The following RPAP3 variants were observed in gnomAD, a reference collection of about 807,000 sequenced individuals.
RPAP3 encodes the protein RNA polymerase II associated protein 3, also known as RNA polymerase II-associated protein 3.
A neutral mutation model predicts 88.8 loss-of-function variants in RPAP3; 58 were observed. That is an observed-to-expected ratio of 0.65 (90% confidence interval 0.53 to 0.81). The LOEUF (loss-of-function observed/expected upper bound fraction) is 0.81, where lower values mean the gene tolerates loss of function less well. RPAP3 is among the 40% of genes least tolerant of loss of function. The probability of loss-of-function intolerance (pLI) is 0.00; values close to 1 mark genes in which losing one functional copy is unlikely to be tolerated. For missense variants in RPAP3, 751 were observed against 764.3 expected, an observed-to-expected ratio of 0.98 and a Z score of 0.20; for synonymous variants, 255 against 259.9, an observed-to-expected ratio of 0.98 and a Z score of 0.18.
chr12:47,669,014 T>A lies in RPAP3; in HGVS notation c.1615A>T (p.Thr539Ser). The A allele has an allele frequency of 6.2e-7, 1 of 1,613,858 alleles. No homozygotes were observed. The highest frequency in any genetic ancestry group is 1.3e-5 in the African/African-American group (1 of 75,036). The change falls in exon 14 of 17, where the codon ACA becomes TCA. Residue 539 changes from threonine (T) to serine (S), a missense_variant. Physicochemically the swap from Thr to Ser is moderately conservative, Grantham distance 58. Coordinates refer to ENST00000005386, the MANE Select transcript of RPAP3 (RefSeq NM_024604.3). Reference protein sequence around the residue: ...EIEQKPAQFATTVLPPIPANS... With the variant: ...EIEQKPAQFASTVLPPIPANS... ...GCAGGAATTGGAGGAAGAACAGTTG[T>A]GGCAAACTGAGCAGGTTTTTGTTCT... is the stretch of plus-strand genomic sequence containing the variant.
intron 5 of RPAP3, among the ~76,000 whole-genome samples, chr12:47,694,451 T>C (rs1467051084): frequency 6.6e-6 from 1 of 152,206 alleles, no homozygotes; most frequent in Non-Finnish European, 1.5e-5. Flanking sequence ...AGCAGCAAAC[T>C]ATTTTTTTGA....
intron 7 of RPAP3, 26 bp from the exon 8 acceptor site, chr12:47,688,027 A>G (rs1203693084): frequency 1.1e-5 from 17 of 1,586,926 alleles, no homozygotes; most frequent in African/African-American, 1.4e-5. Context: ...GTCAGCTAAA[A>G]TAAAACAAAG....
At chr12:47,703,017 T>A (rs927327825) in intron 1 of RPAP3, among the ~76,000 whole-genome samples, 171 bp from the exon 2 acceptor site, 3 of 152,186 alleles carry the variant, frequency 2.0e-5, no homozygotes, top group Admixed American at 2.0e-4. Context: ...TAAAAATAAA[T>A]CAGTTGCTGA....
intron 15 of RPAP3, 128 bp downstream of exon 15, chr12:47,667,626 G>C (rs943395007): frequency 1.8e-6 from 1 of 542,714 alleles, no homozygotes; most frequent in African/African-American, 1.9e-5. Context: ...TTTTACCATA[G>C]GCCAATTGAC....
Position 47,686,303 on chromosome 12 carries a change from T to C in RPAP3, c.992+477A>G, listed in dbSNP as rs529858624. Among the ~76,000 whole-genome samples the C allele has an allele frequency of 3.1e-4, 47 of 152,356 alleles. 1 individual carries two copies. Among genetic ancestry groups the C allele is most frequent in the African/African-American group, 1.1e-3 (46 of 41,592 alleles). ...AGCAGTTTCAATGACAGCAGTTCTC[T>C]TTTGTTATACATGTATGTATATAAA... On this transcript the variant is annotated intron_variant, in intron 9 of 16. Transcript: ENST00000005386.
At position 47,689,148 on chromosome 12, in the gene RPAP3, T is replaced by C. The variant is rs1289625368; in HGVS notation, c.715A>G (p.Asn239Asp). The change falls in exon 7 of 17, where the codon AAT becomes GAT. Residue 239 changes from asparagine to aspartate, a missense_variant. Transcript: ENST00000005386. ...ELEPNNFEATNELRKISQALA... is the reference protein window; with the variant it reads ...ELEPNNFEATDELRKISQALA... The stretch of plus-strand genomic sequence containing the variant: ...ACCTGACTGATTTTCCTGAGTTCAT[T>C]TGTTGCTTCAAAGTTATTTGGTTCT... 3 of 1,459,128 alleles carry C rather than the reference T, an allele frequency of 2.1e-6. No homozygotes were observed. Among genetic ancestry groups the C allele is most frequent in the African/African-American group, 2.8e-5 (2 of 71,356 alleles). 90.4% of individuals were successfully genotyped at this position (1,459,128 alleles called of 1,614,324 possible).
chr12:47,685,940 CTAT>C (rs982855526), intron 9 of RPAP3, among the ~76,000 whole-genome samples: 11 of 152,138 alleles, frequency 7.2e-5, no homozygotes, highest in African/African-American at 2.2e-4. Flanking sequence ...AAATATACTA[CTAT>C]ATCACAATTT....
At chr12:47,666,208 T>C (rs1184756335) in intron 16 of RPAP3, among the ~76,000 whole-genome samples, 1 of 152,226 alleles carries the variant, frequency 6.6e-6, no homozygotes, top group Non-Finnish European at 1.5e-5. Flanking sequence ...AGTTTCTGCA[T>C]AGTGCAATTT....
chr12:47,679,980 A>G, intron 10 of RPAP3, among the ~76,000 whole-genome samples: 1 of 152,164 alleles, frequency 6.6e-6, no homozygotes, highest in South Asian at 2.1e-4. Context: ...CGTAACCCTC[A>G]CTACAACCCC....
intron 9 of RPAP3, among the ~76,000 whole-genome samples, chr12:47,684,966 G>A (rs560011723): frequency 6.6e-6 from 1 of 152,304 alleles, no homozygotes; most frequent in African/African-American, 2.4e-5. Context: ...TCTGAGGGAT[G>A]TGGAAACTTG....
rs549942215 is a variant in RPAP3 at position 47,697,211 on chromosome 12, G to A, written c.417+386C>T. On this transcript the variant is annotated intron_variant, in intron 4 of 16. Transcript: ENST00000005386. ...CCCGGGAGTGGAATATAATATTTAC[G>A]CCAAGAATCACACACTAATTTCAAG... Among the ~76,000 whole-genome samples, 5 of 152,240 alleles carry A rather than the reference G, an allele frequency of 3.3e-5. No homozygotes were observed. In the East Asian group the frequency reaches 5.8e-4, roughly 18 times the overall value.
In RPAP3 at chr12:47,665,703, C is replaced by T. The variant is rs566081235; in HGVS notation, c.1912+1277G>A. Among the ~76,000 whole-genome samples the T allele has an allele frequency of 1.1e-4, 16 of 152,076 alleles. No homozygotes were observed. In the South Asian group the frequency reaches 2.7e-3, roughly 26 times the overall value. ...TTGCCTAGGTTGGAACGCAGTGCCA[C>T]AATCATGGCTCACTGCAGCCTCAAC... On this transcript the variant is annotated intron_variant, in intron 16 of 16. Coordinates refer to ENST00000005386, the MANE Select transcript of RPAP3 (RefSeq NM_024604.3).
rs768182145 is a variant in RPAP3 at position 47,696,310 on chromosome 12, T to C, written c.511A>G (p.Thr171Ala). 3.0e-5 allele frequency: 48 copies of C among 1,586,470 alleles called. No individual in the cohort carries two copies. The highest frequency in any genetic ancestry group is 3.8e-5 in the Non-Finnish European group (44 of 1,166,564). Residue 171 changes from threonine to alanine, a missense_variant, in exon 5 of 17, where the codon ACG becomes GCG. Thr to Ala is a moderately conservative substitution (Grantham distance 58). Transcript: ENST00000005386. Reference protein sequence around the residue: ...DADPYNPVLPTNRASAYFRLK... With the variant: ...DADPYNPVLPANRASAYFRLK... ...CTAAAATATGCTGACGCTCTGTTCG[T>C]TGGCAACACGGGATTATATGGATCG...
intron 5 of RPAP3, 71 bp downstream of exon 5, chr12:47,696,205 C>A: frequency 7.8e-7 from 1 of 1,283,826 alleles, no homozygotes. Flanking sequence ...CTTTATTCCA[C>A]ACTTTTTTTT....
intron 3 of RPAP3, among the ~76,000 whole-genome samples, chr12:47,700,833 G>A (rs558957847): frequency 3.8e-4 from 58 of 152,284 alleles, no homozygotes; most frequent in Admixed American, 3.4e-3. Context: ...AGACACAAAG[G>A]CATTCTCTTT....
chr12:47,697,840 G>T, intron 3 of RPAP3, 121 bp from the exon 4 acceptor site: 1 of 840,356 alleles, frequency 1.2e-6, no homozygotes, highest in Non-Finnish European at 1.8e-6. Context: ...AGGACCTACA[G>T]CCTTACAAAG....
chr12:47,663,466 T>C lies in RPAP3; in HGVS notation c.*39A>G. ...ACACTTTCAGTAGAAAAAATTTACATATGAAAGTCAAAAACAATTATTTCA... is the reference window on the plus strand; with the variant it reads ...ACACTTTCAGTAGAAAAAATTTACACATGAAAGTCAAAAACAATTATTTCA... On this transcript the variant is annotated 3_prime_UTR_variant, in exon 17 of 17. Transcript: ENST00000005386. The C allele has an allele frequency of 7.5e-7, 1 of 1,334,280 alleles. No homozygotes were observed. The highest frequency in any genetic ancestry group is 1.1e-6 in the Non-Finnish European group (1 of 946,622). 82.7% of individuals were successfully genotyped at this position (1,334,280 alleles called of 1,614,324 possible). A position where few individuals can be genotyped will look rare whatever the true frequency, so the allele number is the denominator to read the frequency against.
intron 9 of RPAP3, 146 bp downstream of exon 9, chr12:47,686,633 AT>A (rs1478518698): frequency 8.7e-6 from 5 of 576,872 alleles, no homozygotes; most frequent in Non-Finnish European, 8.6e-6. Flanking sequence ...CATAAATTAA[AT>A]TTTAACTTAC....
At chr12:47,686,964 G>T in intron 8 of RPAP3, 57 bp from the exon 9 acceptor site, 1 of 1,099,444 alleles carries the variant, frequency 9.1e-7, no homozygotes, top group South Asian at 1.7e-5. Context: ...AAAAATAAAT[G>T]AATTCAAATC....
Sources: gnomAD v4.1 joint callset for allele counts (sites outside exome capture counted in the v4.1 genomes callset) on GRCh38, gnomAD v4.1.1 for gene constraint, MANE v1.5 for transcripts, NCBI Gene and HGNC (gene_info 2026-07-23, HGNC 2026-07-21) for gene names.